ZNF385D: variants seen among roughly 807,000 people sequenced by gnomAD.
ZNF385D encodes zinc finger protein 659.
A neutral mutation model predicts 35.8 loss-of-function variants in ZNF385D; 15 were observed. The ratio of observed to expected loss-of-function variants is 0.42; its 90% CI spans 0.28 to 0.64. ZNF385D has a LOEUF of 0.64. ZNF385D is among the 30% of genes least tolerant of loss of function. ZNF385D has a pLI of 0.23. For missense variants in ZNF385D, 474 were observed against 494.6 expected (o/e 0.96, Z 0.39); for synonymous variants, 212 against 186.8 (o/e 1.13, Z -1.10).
chr3:21,593,706 A>G (rs1029443147), intron 2 of ZNF385D, among the ~76,000 whole-genome samples: 1 of 152,088 alleles, frequency 6.6e-6, no homozygotes. Context: ...GATATATATT[A>G]TAGACTTTTT....
rs1300603284 is a variant in ZNF385D, at chr3:21,529,903, ATG to A, written c.277-18882_277-18881del. The stretch of plus-strand genomic sequence containing the variant: ...TTGCAGAAAAAGTGATATGGTTTTA[ATG>A]TGTGTTCCCAACAAATCTCATGTTG... On this transcript the variant is annotated intron_variant, in intron 3 of 7. Coordinates refer to ENST00000281523, the MANE Select transcript of ZNF385D (RefSeq NM_024697.3). Among the ~76,000 whole-genome samples, 4 of 152,258 alleles carry A rather than the reference ATG, an allele frequency of 2.6e-5. No homozygotes were observed. The East Asian group carries it at 7.7e-4, about 29-fold the overall frequency.
At chr3:22,036,646 C>G (rs1698337647) in intron 3 of ZNF385D, among the ~76,000 whole-genome samples, 1 of 150,240 alleles carries the variant, frequency 6.7e-6, no homozygotes, top group Non-Finnish European at 1.5e-5. Flanking sequence ...AAGCAAAGAG[C>G]ACCTTCTACC....
intron 3 of ZNF385D, among the ~76,000 whole-genome samples, chr3:21,839,853 T>C (rs371403168): frequency 3.9e-5 from 6 of 152,116 alleles, no homozygotes; most frequent in East Asian, 3.9e-4. Context: ...GATCTCCAGG[T>C]CTCCCTCTAC....
At chr3:21,699,255 G>A (rs1040853147) in intron 1 of ZNF385D, among the ~76,000 whole-genome samples, 5 of 151,878 alleles carry the variant, frequency 3.3e-5, no homozygotes, top group South Asian at 2.1e-4. Flanking sequence ...ACCAAACACC[G>A]CATGTTCTCA....
At chr3:22,040,137 T>A (rs1337309231) in intron 3 of ZNF385D, among the ~76,000 whole-genome samples, 1 of 152,136 alleles carries the variant, frequency 6.6e-6, no homozygotes, top group African/African-American at 2.4e-5. Flanking sequence ...ATTGTGTAGG[T>A]CTAGGGTGAG....
rs746138066 is a variant in ZNF385D, at chr3:21,602,517, C to CTTTTTTTTTTTTTT, written c.166-37847_166-37834dup. Among the ~76,000 whole-genome samples, 233 of 62,684 alleles carry CTTTTTTTTTTTTTT rather than the reference C, an allele frequency of 3.7e-3. 36 individuals are homozygous for CTTTTTTTTTTTTTT. Among genetic ancestry groups the CTTTTTTTTTTTTTT allele is most frequent in the African/African-American group, 9.5e-3 (126 of 13,238 alleles). The allele number at this position is 62,684 out of a possible 152,430, so 41.1% of individuals were successfully genotyped here. A position where few individuals can be genotyped will look rare whatever the true frequency, so the allele number is the denominator to read the frequency against. ...TAGGTCTCCTGTTTCCCTGCATTTT[C>CTTTTTTTTTTTTTT]TTTTTTTTTTTTTTTTTTTTTTTTT... On this transcript the variant is annotated intron_variant, in intron 2 of 7. Coordinates refer to ENST00000281523, the MANE Select transcript of ZNF385D (RefSeq NM_024697.3).
chr3:22,364,003 T>C (rs1696535524), intron 2 of ZNF385D, among the ~76,000 whole-genome samples: 1 of 152,152 alleles, frequency 6.6e-6, no homozygotes, highest in Non-Finnish European at 1.5e-5. Context: ...TTTACTTAAA[T>C]GAATCATCCT....
At chr3:22,248,149 C>G (rs1194779010) in intron 2 of ZNF385D, among the ~76,000 whole-genome samples, 1 of 152,158 alleles carries the variant, frequency 6.6e-6, no homozygotes, top group Non-Finnish European at 1.5e-5. Flanking sequence ...CAAATCTCAA[C>G]ATTTTGTATT....
intron 3 of ZNF385D, among the ~76,000 whole-genome samples, chr3:22,118,676 GACAA>G (rs1242382568): frequency 1.3e-5 from 2 of 152,018 alleles, no homozygotes; most frequent in Admixed American, 6.6e-5. Flanking sequence ...CGATGGTTAA[GACAA>G]ACAAAGAGCA....
intron 3 of ZNF385D, among the ~76,000 whole-genome samples, chr3:22,018,647 C>T (rs1477260429): frequency 6.6e-6 from 1 of 151,872 alleles, no homozygotes; most frequent in East Asian, 1.9e-4. Context: ...TTATTACACC[C>T]AGGTTCAAGT....
At chr3:22,105,005 A>C (rs1187017941) in intron 3 of ZNF385D, among the ~76,000 whole-genome samples, 1 of 152,178 alleles carries the variant, frequency 6.6e-6, no homozygotes, top group Non-Finnish European at 1.5e-5. Context: ...AAAGGAGTTT[A>C]GAAGATTAAA....
chr3:21,808,518 G>T (rs2072757622), intron 3 of ZNF385D, among the ~76,000 whole-genome samples: 1 of 152,152 alleles, frequency 6.6e-6, no homozygotes, highest in Non-Finnish European at 1.5e-5. Context: ...CAGAGACTGG[G>T]AAGAAAAAGA....
At chr3:21,704,612 G>A (rs1374170678) in intron 1 of ZNF385D, among the ~76,000 whole-genome samples, 2 of 151,976 alleles carry the variant, frequency 1.3e-5, no homozygotes. Flanking sequence ...GGGTTCAAGC[G>A]ATTCTTTTCC....
chr3:22,077,500 A>G lies in ZNF385D; in HGVS notation c.325+91317T>C, dbSNP rs1030566855. On this transcript the variant is annotated intron_variant, in intron 3 of 5. Coordinates refer to the ZNF385D transcript ENST00000494108. Reference sequence around the variant, plus strand: ...CTAAAATAGGCAAGATTTCTTATCAATAGATTATTCCAGAAATTGGTCTTC... The same window carrying G: ...CTAAAATAGGCAAGATTTCTTATCAGTAGATTATTCCAGAAATTGGTCTTC... 9.2e-5 allele frequency among the ~76,000 whole-genome samples: 14 copies of G among 152,148 alleles called. 1 individual carries two copies. The highest frequency in any genetic ancestry group is 5.9e-4 in the Admixed American group (9 of 15,234).
chr3:22,307,869 A>C (rs1292400245), intron 2 of ZNF385D, among the ~76,000 whole-genome samples: 1 of 152,120 alleles, frequency 6.6e-6, no homozygotes, highest in East Asian at 1.9e-4. Context: ...AAGACTAGTA[A>C]GATCATCAAA....
chr3:22,372,439 A>T (rs1005506557), intron 2 of ZNF385D: 54 of 985,052 alleles, frequency 5.5e-5, no homozygotes, highest in Non-Finnish European at 6.5e-5. Context: ...CTCTTTTTGC[A>T]CTCAACTTAC....
chr3:22,036,133 GA>G (rs1243753588), intron 3 of ZNF385D, among the ~76,000 whole-genome samples: 2 of 152,102 alleles, frequency 1.3e-5, no homozygotes, highest in Non-Finnish European at 2.9e-5. Flanking sequence ...AGTAGTTAGA[GA>G]AAAAATGTGG....
At chr3:22,077,708 G>A (rs969872905) in intron 3 of ZNF385D, among the ~76,000 whole-genome samples, 1 of 152,012 alleles carries the variant, frequency 6.6e-6, no homozygotes, top group Non-Finnish European at 1.5e-5. Flanking sequence ...CTCGGCAGAT[G>A]TTTTAGAGTG....
At chr3:22,321,937 A>G (rs1242912628) in intron 2 of ZNF385D, among the ~76,000 whole-genome samples, 1 of 152,030 alleles carries the variant, frequency 6.6e-6, no homozygotes, top group Non-Finnish European at 1.5e-5. Flanking sequence ...ACCTATTTAT[A>G]CTGCTATTGT....
Sources: gnomAD v4.1 joint callset for allele counts (sites outside exome capture counted in the v4.1 genomes callset) on GRCh38, gnomAD v4.1.1 for gene constraint, MANE v1.5 for transcripts, NCBI Gene and HGNC (gene_info 2026-07-23, HGNC 2026-07-21) for gene names.